DMD: variants seen among roughly 807,000 people sequenced by gnomAD.
DMD encodes mutant dystrophin.
In DMD, 63 loss-of-function variants were observed where a neutral mutation model predicts 330.1. The observed-to-expected ratio is 0.19, with a 90% CI of 0.16 to 0.24. The LOEUF (loss-of-function observed/expected upper bound fraction) is 0.24. DMD is among the 10% of genes least tolerant of loss of function. The probability of loss-of-function intolerance (pLI) is 1.00; values close to 1 mark genes in which losing one functional copy is unlikely to be tolerated. For missense variants in DMD, 3,344 were observed against 2,684.1 expected (o/e 1.25, Z -5.43); for synonymous variants, 1,223 against 959.8 (o/e 1.27, Z -5.07).
intron 63 of DMD, among the ~76,000 whole-genome samples, chrX:31,232,351 G>C (rs1439330559): frequency 9.0e-6 from 1 of 111,380 alleles, no homozygotes; most frequent in African/African-American, 3.3e-5. Flanking sequence ...CAGGTTGATA[G>C]AAGAGGAATA....
chrX:32,890,287 T>C (rs1443286278), intron 2 of DMD, among the ~76,000 whole-genome samples: 2 of 111,636 alleles, frequency 1.8e-5, no homozygotes, highest in Non-Finnish European at 3.8e-5. Context: ...CTGCTTTATA[T>C]GTTCTGGGTA....
At chrX:33,192,248 A>G (rs1462719502) in intron 1 of DMD, among the ~76,000 whole-genome samples, 1 of 111,881 alleles carries the variant, frequency 8.9e-6, no homozygotes, top group African/African-American at 3.2e-5. Flanking sequence ...GTCATGTTTT[A>G]TTTTACTCTA....
At chrX:33,086,170 A>G (rs2095002208) in intron 1 of DMD, among the ~76,000 whole-genome samples, 2 of 111,352 alleles carry the variant, frequency 1.8e-5, no homozygotes, top group African/African-American at 6.5e-5. Context: ...ATAGGATTGA[A>G]CCTTCTAAAT....
At chrX:31,322,102 C>T (rs1024972499) in intron 62 of DMD, among the ~76,000 whole-genome samples, 11 of 111,736 alleles carry the variant, frequency 9.8e-5, no homozygotes, top group Middle Eastern at 4.6e-3. Flanking sequence ...ATCCTAAAAC[C>T]TCATCTATGA....
intron 44 of DMD, among the ~76,000 whole-genome samples, chrX:32,017,951 T>C (rs1012890629): frequency 4.5e-5 from 5 of 111,492 alleles, no homozygotes; most frequent in Admixed American, 1.9e-4. Context: ...TATACAATAT[T>C]AGATTTTGCA....
At chrX:31,647,554 G>T (rs777237674) in intron 54 of DMD, among the ~76,000 whole-genome samples, 124 of 111,791 alleles carry the variant, frequency 1.1e-3, no homozygotes, top group African/African-American at 3.7e-3. Flanking sequence ...TTCATGGAGG[G>T]TTTTTTCGTT....
chrX:31,239,294 A>C (rs2147278840), intron 63 of DMD, among the ~76,000 whole-genome samples: 1 of 112,337 alleles, frequency 8.9e-6, no homozygotes, highest in South Asian at 3.7e-4. Context: ...TAATTTGGGA[A>C]ATTTTAACTC....
chrX:31,537,742 T>C (rs918893341), intron 55 of DMD, among the ~76,000 whole-genome samples: 2 of 111,586 alleles, frequency 1.8e-5, no homozygotes, highest in Admixed American at 1.9e-4. Flanking sequence ...CCTGCTTCTC[T>C]TCAGGTCTCA....
intron 44 of DMD, among the ~76,000 whole-genome samples, chrX:32,008,280 G>C (rs2095678425): frequency 9.0e-6 from 1 of 111,685 alleles, no homozygotes; most frequent in Non-Finnish European, 1.9e-5. Context: ...ATGATATAAA[G>C]AGGGTGATAT....
At chrX:32,910,289 C>G (rs1289772238) in intron 2 of DMD, among the ~76,000 whole-genome samples, 1 of 111,533 alleles carries the variant, frequency 9.0e-6, no homozygotes, top group Non-Finnish European at 1.9e-5. Flanking sequence ...TGTAGGACAG[C>G]TCTCTTTCCC....
chrX:31,832,178 C>A (rs1246737967), intron 49 of DMD, among the ~76,000 whole-genome samples: 1 of 112,037 alleles, frequency 8.9e-6, no homozygotes, highest in African/African-American at 3.2e-5. Flanking sequence ...TTTATGAAAT[C>A]CAAGTATTGT....
Position 32,894,466 on chromosome X carries a change from G to C in DMD, c.94-44646C>G, listed in dbSNP as rs910265739. Among the ~76,000 whole-genome samples, 4 of 112,638 alleles carry C rather than the reference G, an allele frequency of 3.6e-5. No homozygotes were observed. The East Asian group carries it at 8.5e-4, about 24-fold the overall frequency. Reference sequence around the variant, plus strand: ...TAGTGATGGCGGCGGTGGGATGAGCGGGCAAACCAACGCTGCTTGCGGGCA... The same window carrying C: ...TAGTGATGGCGGCGGTGGGATGAGCCGGCAAACCAACGCTGCTTGCGGGCA... On this transcript the variant is annotated intron_variant, in intron 2 of 78. Transcript: ENST00000357033.
At chrX:32,585,319 T>C (rs1181184177) in intron 13 of DMD, among the ~76,000 whole-genome samples, 1 of 112,310 alleles carries the variant, frequency 8.9e-6, no homozygotes, top group Non-Finnish European at 1.9e-5. Context: ...AAATATCACA[T>C]GTACTCTATA....
At chrX:32,029,385 C>T (rs754775628) in intron 44 of DMD, among the ~76,000 whole-genome samples, 245 of 111,138 alleles carry the variant, frequency 2.2e-3, no homozygotes, top group Middle Eastern at 4.7e-3. Context: ...ATAATCAACA[C>T]CATAGGCAAT....
intron 7 of DMD, among the ~76,000 whole-genome samples, chrX:32,732,472 A>G (rs1305875233): frequency 1.5e-4 from 17 of 110,836 alleles, no homozygotes; most frequent in African/African-American, 5.6e-4. Context: ...AGATTCACCA[A>G]AGTTGAAATG....
At chrX:33,007,377 C>A (rs2093417178) in intron 2 of DMD, among the ~76,000 whole-genome samples, 1 of 111,172 alleles carries the variant, frequency 9.0e-6, no homozygotes, top group Non-Finnish European at 1.9e-5. Context: ...TTCTCCAAGA[C>A]ACCTGCAAGA....
At chrX:31,142,131 G>A (rs900629621) in intron 76 of DMD, among the ~76,000 whole-genome samples, 2 of 111,776 alleles carry the variant, frequency 1.8e-5, no homozygotes, top group East Asian at 5.6e-4. Flanking sequence ...GTAAAATATC[G>A]CTATGAAGAA....
chrX:32,226,693 G>T (rs1473451714), intron 43 of DMD, among the ~76,000 whole-genome samples: 2 of 111,252 alleles, frequency 1.8e-5, no homozygotes, highest in Admixed American at 1.9e-4. Flanking sequence ...CTGAGTCTCA[G>T]TTATCTCACA....
intron 27 of DMD, among the ~76,000 whole-genome samples, chrX:32,443,039 CGA>C (rs1056877859): frequency 4.5e-5 from 5 of 110,076 alleles, no homozygotes; most frequent in African/African-American, 1.6e-4. Context: ...TAGGAAGATG[CGA>C]GAGAGGATAA....
Sources: gnomAD v4.1 joint callset for allele counts (sites outside exome capture counted in the v4.1 genomes callset) on GRCh38, gnomAD v4.1.1 for gene constraint, MANE v1.5 for transcripts, NCBI Gene and HGNC (gene_info 2026-07-23, HGNC 2026-07-21) for gene names.